BUB1: variants seen among roughly 807,000 people sequenced by gnomAD.
BUB1 encodes BUB1 mitotic checkpoint serine/threonine kinase.
A neutral mutation model predicts 135.2 loss-of-function variants in BUB1; 84 were observed. The ratio of observed to expected loss-of-function variants is 0.62; its 90% CI spans 0.52 to 0.74. The LOEUF (loss-of-function observed/expected upper bound fraction) is 0.74, where lower values mean the gene tolerates loss of function less well. Among genes scored for constraint, BUB1 ranks in the 30% least tolerant of loss-of-function variants. The pLI is 0.00. For missense variants in BUB1, 1,162 were observed against 1,288.3 expected, an observed-to-expected ratio of 0.90 and a Z score of 1.50; for synonymous variants, 403 against 434.4, an observed-to-expected ratio of 0.93 and a Z score of 0.90.
At chr2:110,672,352 T>C (rs2104558812) in intron 4 of BUB1, among the ~76,000 whole-genome samples, 1 of 152,298 alleles carries the variant, frequency 6.6e-6, no homozygotes, top group East Asian at 1.9e-4. Context: ...ATAGAAGTAG[T>C]TTAAAAGCTC....
chr2:110,644,056 T>C (rs1476802772), intron 19 of BUB1, among the ~76,000 whole-genome samples: 1 of 15,718 alleles, frequency 6.4e-5, no homozygotes, highest in African/African-American at 4.7e-4. Context: ...AAAACTGAAA[T>C]GCAAAAAAAA....
chr2:110,639,394 C>CAAAAAAAAAA (rs111453356), intron 24 of BUB1, among the ~76,000 whole-genome samples: 2 of 118,148 alleles, frequency 1.7e-5, no homozygotes, highest in African/African-American at 5.8e-5. Context: ...TTCCATAGAC[C>CAAAAAAAAAA]AAAAAAAAAA....
intron 4 of BUB1, 96 bp from the exon 5 acceptor site, chr2:110,670,664 G>T: frequency 7.9e-7 from 1 of 1,266,094 alleles, no homozygotes; most frequent in Non-Finnish European, 1.1e-6. Flanking sequence ...CTTATTATAA[G>T]CTAGTAAAGT....
chr2:110,639,725 C>T lies in BUB1; in HGVS notation c.3062+17G>A. 1.3e-6 allele frequency: 2 copies of T among 1,557,370 alleles called. No individual in the cohort carries two copies. Among genetic ancestry groups the T allele is most frequent in the Non-Finnish European group, 1.8e-6 (2 of 1,128,630 alleles). On this transcript the variant is annotated intron_variant, in intron 24 of 24. Coordinates refer to ENST00000302759, the MANE Select transcript of BUB1 (RefSeq NM_004336.5). ...TAGTTATTCTCTTTTCACTACAGCA[C>T]CAATGCTAATACTCACCTTCTAAAA... is the stretch of plus-strand genomic sequence containing the variant.
At chr2:110,639,494 C>T (rs886456354) in intron 24 of BUB1, among the ~76,000 whole-genome samples, 1 of 151,796 alleles carries the variant, frequency 6.6e-6, no homozygotes, top group Non-Finnish European at 1.5e-5. Flanking sequence ...TGCGTGTGTA[C>T]AGGATGTCAA....
intron 4 of BUB1, among the ~76,000 whole-genome samples, chr2:110,670,816 C>T (rs895244374): frequency 1.3e-5 from 2 of 152,164 alleles, no homozygotes; most frequent in Admixed American, 6.5e-5. Flanking sequence ...TAGTATTTCT[C>T]AAATTCATAT....
intron 17 of BUB1, 104 bp from the exon 18 acceptor site, chr2:110,650,888 C>T: frequency 1.8e-6 from 2 of 1,084,830 alleles, no homozygotes; most frequent in South Asian, 3.0e-5. Context: ...TGACATTTCA[C>T]AATAGCCTCA....
At chr2:110,653,594 T>C in intron 16 of BUB1, 71 bp from the exon 17 acceptor site, 2 of 1,294,878 alleles carry the variant, frequency 1.5e-6, no homozygotes, top group Non-Finnish European at 2.2e-6. Flanking sequence ...CCATTTGATA[T>C]GGTTACAAAG....
At chr2:110,673,390 T>C (rs560319668) in intron 3 of BUB1, among the ~76,000 whole-genome samples, 1 of 152,296 alleles carries the variant, frequency 6.6e-6, no homozygotes, top group East Asian at 1.9e-4. Context: ...CTCTGCTTTG[T>C]AGCCAGTCAG....
Position 110,663,852 on chromosome 2 carries a change from C to T in BUB1, c.958-2011G>A, listed in dbSNP as rs141139897. 1.9e-3 allele frequency among the ~76,000 whole-genome samples: 289 copies of T among 151,940 alleles called. 1 individual carries two copies. Among genetic ancestry groups the T allele is most frequent in the African/African-American group, 6.8e-3 (281 of 41,452 alleles). ...GACCATCCTGGTAACACGGTGAAAC[C>T]CTGTCTCTACTAAAAATACAAAAAA... On this transcript the variant is annotated intron_variant, in intron 9 of 24. Coordinates refer to ENST00000302759, the MANE Select transcript of BUB1 (RefSeq NM_004336.5).
chr2:110,658,777 T>C, intron 11 of BUB1, 35 bp from the exon 12 acceptor site: 1 of 1,611,194 alleles, frequency 6.2e-7, no homozygotes, highest in Non-Finnish European at 8.5e-7. Context: ...GTGGTATCAG[T>C]AGGGAAATCA....
rs773106353 is a variant in BUB1 at position 110,666,320 on chromosome 2, C to T, written c.900G>A (p.Leu300=). 9.2e-6 allele frequency: 14 copies of T among 1,528,566 alleles called. No individual in the cohort carries two copies. The South Asian group carries it at 1.9e-4, about 20-fold the overall frequency. 94.7% of individuals were successfully genotyped at this position (1,528,566 alleles called of 1,614,324 possible). ...CATGGGATGTCTCCACCACCTGATG[C>T]AACTTCTTATGAAGTTCATCCATTT... ...KQKMDELHKK[L]HQVVETSHED... is the part of the protein sequence containing the mutation. Residue 300 remains leucine, a synonymous_variant, in exon 9 of 25, where the codon TTG becomes TTA. Coordinates refer to ENST00000302759, the MANE Select transcript of BUB1 (RefSeq NM_004336.5).
intron 9 of BUB1, among the ~76,000 whole-genome samples, chr2:110,663,700 G>C (rs538465272): frequency 2.0e-5 from 3 of 152,294 alleles, no homozygotes; most frequent in Admixed American, 2.0e-4. Context: ...AGTGAAGGTG[G>C]AGGTGAAGAT....
chr2:110,660,098 G>A, intron 10 of BUB1, 62 bp from the exon 11 acceptor site: 1 of 1,428,276 alleles, frequency 7.0e-7, no homozygotes, highest in Non-Finnish European at 9.8e-7. Flanking sequence ...GCTGGGTGCG[G>A]TGGTGGCTCA....
chr2:110,639,837 A>T lies in BUB1; in HGVS notation c.2967T>A (p.Phe989Leu). Reference sequence around the variant, plus strand: ...TGCAATATACTGTTGCAGCAACCCCAAAGTAATCGATCTATGAAGAAGATA... The same window carrying T: ...TGCAATATACTGTTGCAGCAACCCCTAAGTAATCGATCTATGAAGAAGATA... ...NKPWNYQIDY[F>L]GVAATVYCML... Residue 989 changes from phenylalanine (F) to leucine (L), a missense_variant, in exon 24 of 25, where the codon TTT (phenylalanine) becomes TTA (leucine). By Grantham distance (22) the Phe-to-Leu change is conservative (BLOSUM62 0). Transcript: ENST00000302759. The T allele has an allele frequency of 6.2e-7, 1 of 1,613,066 alleles. No individual in the cohort carries two copies. The highest frequency in any genetic ancestry group is 8.5e-7 in the Non-Finnish European group (1 of 1,179,024).
At chr2:110,643,809 C>G (rs1689566376) in intron 19 of BUB1, among the ~76,000 whole-genome samples, 1 of 151,796 alleles carries the variant, frequency 6.6e-6, no homozygotes, top group African/African-American at 2.4e-5. Flanking sequence ...CAGGCCCACA[C>G]TAGAAATTTT....
intron 1 of BUB1, 76 bp downstream of exon 1, chr2:110,677,894 G>C: frequency 6.6e-7 from 1 of 1,519,128 alleles, no homozygotes; most frequent in Non-Finnish European, 8.9e-7. Flanking sequence ...AAGAAGGCAG[G>C]TCTGGGGCGG....
intron 3 of BUB1, among the ~76,000 whole-genome samples, chr2:110,673,698 G>A (rs1349501692): frequency 2.0e-5 from 3 of 151,938 alleles, no homozygotes; most frequent in Non-Finnish European, 4.4e-5. Flanking sequence ...TCCCAGGCTC[G>A]AGCAATTCTC....
At chr2:110,654,432 C>A (rs1380264895) in intron 16 of BUB1, among the ~76,000 whole-genome samples, 2 of 152,024 alleles carry the variant, frequency 1.3e-5, no homozygotes, top group African/African-American at 4.8e-5. Flanking sequence ...GATTATAATA[C>A]TGCACACAGC....
Sources: gnomAD v4.1 joint callset for allele counts (sites outside exome capture counted in the v4.1 genomes callset) on GRCh38, gnomAD v4.1.1 for gene constraint, MANE v1.5 for transcripts, NCBI Gene and HGNC (gene_info 2026-07-23, HGNC 2026-07-21) for gene names.